UBE3B: variants seen among roughly 807,000 people sequenced by gnomAD.
The protein encoded by UBE3B is ubiquitin protein ligase E3B.
In UBE3B, 80 loss-of-function variants were observed where a neutral mutation model predicts 132.3. The ratio of observed to expected loss-of-function variants is 0.60; its 90% CI spans 0.50 to 0.73. The LOEUF (loss-of-function observed/expected upper bound fraction) is 0.73, where lower values mean the gene tolerates loss of function less well. UBE3B is among the 30% of genes least tolerant of loss of function. The probability of loss-of-function intolerance (pLI) is 0.00; values close to 1 mark genes in which losing one functional copy is unlikely to be tolerated. For synonymous variants in UBE3B, 487 were observed against 520.4 expected (o/e 0.94, Z 0.87); for missense variants, 1,196 against 1,362.5 (o/e 0.88, Z 1.92).
rs145232742 is a variant in UBE3B, at chr12:109,523,540, G to A, written c.2365-438G>A. ...CCTCACTTAGCTGGCTTTTCCTCCC[G>A]GAAGCTCCCCAACTCTGCCTTTGGG... On this transcript the variant is annotated intron_variant, in intron 21 of 27. Coordinates refer to ENST00000342494, the MANE Select transcript of UBE3B (RefSeq NM_130466.4). Among the ~76,000 whole-genome samples, 990 of 152,260 alleles carry A rather than the reference G, an allele frequency of 6.5e-3. 12 individuals carry two copies. The highest frequency in any genetic ancestry group is 7.3e-3 in the Non-Finnish European group (498 of 68,014).
chr12:109,505,892 G>C (rs1200555813), intron 14 of UBE3B, among the ~76,000 whole-genome samples: 3 of 152,224 alleles, frequency 2.0e-5, no homozygotes, highest in Non-Finnish European at 4.4e-5. Context: ...TATAAGATGA[G>C]AGGTATTGTA....
At chr12:109,498,170 T>C in intron 10 of UBE3B, 63 bp from the exon 11 acceptor site, 1 of 1,592,172 alleles carries the variant, frequency 6.3e-7, no homozygotes, top group Non-Finnish European at 8.6e-7. Context: ...AGTGATCAAG[T>C]TCACTCTCTA....
At chr12:109,487,996 T>A (rs1876806811) in intron 6 of UBE3B, among the ~76,000 whole-genome samples, 2 of 152,238 alleles carry the variant, frequency 1.3e-5, no homozygotes, top group Admixed American at 1.3e-4. Context: ...TCATCAAAAT[T>A]AGAACAGCAG....
intron 9 of UBE3B, among the ~76,000 whole-genome samples, chr12:109,495,639 C>G (rs1878096772): frequency 6.6e-6 from 1 of 152,198 alleles, no homozygotes; most frequent in Non-Finnish European, 1.5e-5. Flanking sequence ...TATTTACTGA[C>G]AGCAAGCCAG....
At chr12:109,529,365 C>T (rs1362631517) in intron 24 of UBE3B, among the ~76,000 whole-genome samples, 1 of 152,120 alleles carries the variant, frequency 6.6e-6, no homozygotes, top group African/African-American at 2.4e-5. Flanking sequence ...AGCCCAGCTG[C>T]GTGTTTAAAG....
At chr12:109,485,402 G>T (rs12822282) in intron 4 of UBE3B, among the ~76,000 whole-genome samples, 16 of 152,138 alleles carry the variant, frequency 1.1e-4, no homozygotes, top group Admixed American at 9.8e-4. Context: ...ACATGATTAC[G>T]TAGATGAGGA....
At chr12:109,481,876 C>A (rs1875514266) in intron 2 of UBE3B, 134 bp downstream of exon 2, 1 of 152,134 alleles carries the variant, frequency 6.6e-6, no homozygotes, top group African/African-American at 2.4e-5. Flanking sequence ...AAAGTTGAAA[C>A]CCACAATTAC....
chr12:109,544,665 T>C, the UBE3B span, among the ~76,000 whole-genome samples: 2 of 152,134 alleles, frequency 1.3e-5, no homozygotes, highest in African/African-American at 4.8e-5. Context: ...ATCGGGACTC[T>C]TGGGTGTCAC....
intron 16 of UBE3B, 132 bp downstream of exon 16, chr12:109,509,846 T>G: frequency 3.2e-6 from 2 of 619,130 alleles, no homozygotes; most frequent in Non-Finnish European, 2.8e-6. Flanking sequence ...ATTCCCACAA[T>G]TGGAAATTTT....
chr12:109,523,417 C>T (rs1362983700), intron 21 of UBE3B, among the ~76,000 whole-genome samples: 1 of 152,228 alleles, frequency 6.6e-6, no homozygotes. Flanking sequence ...CTGACCTGGC[C>T]CTGCATCCTC....
chr12:109,502,551 C>T (rs929600229), intron 13 of UBE3B, among the ~76,000 whole-genome samples: 1 of 152,166 alleles, frequency 6.6e-6, no homozygotes, highest in African/African-American at 2.4e-5. Context: ...AATGTGACTC[C>T]AGCAGGATAT....
At chr12:109,508,852 T>TTAGC in intron 15 of UBE3B, 4 of 676,752 alleles carry the variant, frequency 5.9e-6, no homozygotes, top group South Asian at 6.6e-5. Context: ...AAATGCTTAC[T>TTAGC]AAGTACCTGC....
At chr12:109,538,863 G>A (rs576959895), downstream of UBE3B, among the ~76,000 whole-genome samples, 19 of 152,354 alleles carry the variant, frequency 1.2e-4, no homozygotes, top group Non-Finnish European at 2.4e-4. This position sits in a 1 kb window ranked among gnomAD's most constrained non-coding sequence, Gnocchi z 4.1. Flanking sequence ...CAGCCAAGGC[G>A]TTTCCAGGCC....
chr12:109,498,971 G>A (rs1374881611), intron 11 of UBE3B, among the ~76,000 whole-genome samples: 5 of 151,826 alleles, frequency 3.3e-5, no homozygotes, highest in Non-Finnish European at 5.9e-5. Context: ...GACTACAAGC[G>A]CACACTACCA....
chr12:109,510,924 T>G (rs958468660), intron 17 of UBE3B, among the ~76,000 whole-genome samples: 2 of 152,238 alleles, frequency 1.3e-5, no homozygotes, highest in Non-Finnish European at 2.9e-5. Context: ...CTGCTGAAGC[T>G]GTGGCACTAG....
Position 109,534,782 on chromosome 12 carries a change from G to C in UBE3B, c.3207G>C (p.Ter1069TyrextTer33). 1 of 1,513,958 alleles carries C rather than the reference G, an allele frequency of 6.6e-7. No individual in the cohort carries two copies. Among genetic ancestry groups the C allele is most frequent in the East Asian group, 2.5e-5 (1 of 40,780 alleles). 93.8% of individuals were successfully genotyped at this position (1,513,958 alleles called of 1,614,324 possible). The change falls in exon 28 of 28, where the codon TAG becomes TAC. Residue 1069 changes from the stop codon to tyrosine (Y), a stop_lost. Transcript: ENST00000342494. The surrounding 1 kb of genome is among the most constrained non-coding windows in gnomAD (Gnocchi z 5.2). ...ISMNTGFELS[*>Y] ...TGAACACGGGCTTTGAACTCTCCTA[G>C]CTCCTGTCCCAGCCCTGCCTCCAGG...
chr12:109,500,380 C>T (rs1028944530), intron 12 of UBE3B, among the ~76,000 whole-genome samples: 1 of 152,242 alleles, frequency 6.6e-6, no homozygotes, highest in African/African-American at 2.4e-5. Context: ...GGAACCAGCT[C>T]TGCTGCCCCA....
chr12:109,521,474 C>A lies in UBE3B; in HGVS notation c.2287C>A (p.Pro763Thr). Residue 763 changes from proline to threonine, a missense_variant, in exon 21 of 28, where the codon CCC becomes ACC. By Grantham distance (38) the Pro-to-Thr change is conservative. Coordinates refer to ENST00000342494, the MANE Select transcript of UBE3B (RefSeq NM_130466.4). The surrounding 1 kb of genome is among the most constrained non-coding windows in gnomAD (Gnocchi z 4.2). ...TSGDERLYPS[P>T]TSYIHENYLQ... ...TGGGGATGAGAGGCTGTACCCCTCACCCACATCCTACATCCATGAGAATTA... is the reference window on the plus strand; with the variant it reads ...TGGGGATGAGAGGCTGTACCCCTCAACCACATCCTACATCCATGAGAATTA... 6.3e-7 allele frequency: 1 copy of A among 1,598,898 alleles called. No homozygotes were observed. Among genetic ancestry groups the A allele is most frequent in the Non-Finnish European group, 8.5e-7 (1 of 1,169,702 alleles).
At position 109,497,882 on chromosome 12, in the gene UBE3B, G is replaced by T. The variant is rs144512513; in HGVS notation, c.778G>T (p.Val260Leu). 1.9e-6 allele frequency: 3 copies of T among 1,614,176 alleles called. No individual in the cohort carries two copies. The highest frequency in any genetic ancestry group is 4.5e-5 in the East Asian group (2 of 44,886). Residue 260 changes from valine to leucine, a missense_variant, in exon 10 of 28, where the codon GTG becomes TTG. Transcript: ENST00000342494. ...GCCGTTCCTCATCCACATCATGTCTGTGCCTGCTCTGGTGACTCATCTCAG... is the reference window on the plus strand; with the variant it reads ...GCCGTTCCTCATCCACATCATGTCTTTGCCTGCTCTGGTGACTCATCTCAG... Reference protein sequence around the residue: ...IRPFLIHIMSVPALVTHLSTV... With the variant: ...IRPFLIHIMSLPALVTHLSTV...
Sources: gnomAD v4.1 joint callset for allele counts (sites outside exome capture counted in the v4.1 genomes callset) on GRCh38, gnomAD v4.1.1 for gene constraint, Gnocchi (gnomAD v3.1) non-coding constraint, MANE v1.5 for transcripts, NCBI Gene and HGNC (gene_info 2026-07-23, HGNC 2026-07-21) for gene names.